HEPACAM: variants seen among roughly 807,000 people sequenced by gnomAD.
HEPACAM encodes hepatocyte cell adhesion molecule.
Under a neutral mutation model 38.3 loss-of-function variants are expected in HEPACAM, and 18 were observed. The observed-to-expected ratio is 0.47, with a 90% CI of 0.33 to 0.70. The LOEUF is 0.70. Among genes scored for constraint, HEPACAM ranks in the 30% least tolerant of loss-of-function variants. The pLI, the probability that HEPACAM is intolerant of heterozygous loss-of-function variation, is 0.03. For missense variants in HEPACAM, 466 were observed against 563.0 expected, an observed-to-expected ratio of 0.83 and a Z score of 1.74; for synonymous variants, 216 against 243.1, an observed-to-expected ratio of 0.89 and a Z score of 1.04.
chr11:124,925,631 A>C (rs1224338136), intron 1 of HEPACAM, among the ~76,000 whole-genome samples: 1 of 152,182 alleles, frequency 6.6e-6, no homozygotes, highest in Non-Finnish European at 1.5e-5. Flanking sequence ...AGGGGCCTGA[A>C]GACCACTTTC....
chr11:124,920,804 A>G lies in HEPACAM; in HGVS notation c.*334T>C. ...AGAGCACAGGATAGTCACGGGGGTTAGGTTACTGATGTTAGTTTCCATAAA... is the reference window on the plus strand; with the variant it reads ...AGAGCACAGGATAGTCACGGGGGTTGGGTTACTGATGTTAGTTTCCATAAA... On this transcript the variant is annotated 3_prime_UTR_variant, in exon 7 of 7. Coordinates refer to ENST00000298251, the MANE Select transcript of HEPACAM (RefSeq NM_152722.5). The G allele has an allele frequency of 9.1e-7, 1 of 1,104,194 alleles. No individual in the cohort carries two copies. Among genetic ancestry groups the G allele is most frequent in the Non-Finnish European group, 1.1e-6 (1 of 906,530 alleles). The allele number at this position is 1,104,194 out of a possible 1,614,324, so 68.4% of individuals were successfully genotyped here. A position where few individuals can be genotyped will look rare whatever the true frequency, so the allele number is the denominator to read the frequency against.
intron 4 of HEPACAM, 103 bp downstream of exon 4, chr11:124,923,237 C>T: frequency 2.4e-6 from 2 of 839,506 alleles, no homozygotes; most frequent in Non-Finnish European, 2.1e-6. Context: ...GAAAGAGATG[C>T]AAAACCCTGG....
chr11:124,932,390 G>A (rs542511662), intron 1 of HEPACAM, among the ~76,000 whole-genome samples: 6 of 152,274 alleles, frequency 3.9e-5, no homozygotes, highest in Non-Finnish European at 8.8e-5. Context: ...TTTACGGCAT[G>A]CTGTGCCTAT....
chr11:124,930,977 G>A (rs937879515), intron 1 of HEPACAM, among the ~76,000 whole-genome samples: 4 of 152,128 alleles, frequency 2.6e-5, no homozygotes, highest in African/African-American at 9.7e-5. Context: ...CATCAAAGAA[G>A]GAAATGATAC....
intron 1 of HEPACAM, among the ~76,000 whole-genome samples, chr11:124,930,758 G>C (rs887365930): frequency 1.3e-5 from 2 of 152,216 alleles, no homozygotes; most frequent in South Asian, 2.1e-4. Flanking sequence ...GCAGTGCAGG[G>C]AGAAAAGTGC....
Position 124,929,986 on chromosome 11 carries a change from A to G in HEPACAM, c.86-4917T>C, listed in dbSNP as rs562502395. ...GATTTGGTCTATACACACCTTATCC[A>G]TATTCCCTAACACCAAAGGCTGCTG... On this transcript the variant is annotated intron_variant, in intron 1 of 6. Coordinates refer to ENST00000298251, the MANE Select transcript of HEPACAM (RefSeq NM_152722.5). Among the ~76,000 whole-genome samples, 219 of 152,222 alleles carry G rather than the reference A, an allele frequency of 1.4e-3. 1 individual carries two copies. Among genetic ancestry groups the G allele is most frequent in the African/African-American group, 5.2e-3 (215 of 41,572 alleles).
At chr11:124,925,796 G>T (rs1002745515) in intron 1 of HEPACAM, among the ~76,000 whole-genome samples, 2 of 152,180 alleles carry the variant, frequency 1.3e-5, no homozygotes, top group Admixed American at 6.5e-5. Context: ...AAGGATTTGC[G>T]ATGGGTAGAA....
In HEPACAM at chr11:124,927,510, G is replaced by GTTTTTTTTTTTTTTTTTTTTTTTTT. The variant is rs763291809; in HGVS notation, c.86-2442_86-2441insAAAAAAAAAAAAAAAAAAAAAAAAA. On this transcript the variant is annotated intron_variant, in intron 1 of 6. Coordinates refer to ENST00000298251, the MANE Select transcript of HEPACAM (RefSeq NM_152722.5). ...GGCATGTGCCACTATGCCCAGCTAGGTTTTTTTTTTTTGTTTTTTTTTTTT... is the reference window on the plus strand; with the variant it reads ...GGCATGTGCCACTATGCCCAGCTAGGTTTTTTTTTTTTTTTTTTTTTTTTTTTTTTTTTTTTTGTTTTTTTTTTTT... 2.0e-5 allele frequency among the ~76,000 whole-genome samples: 2 copies of GTTTTTTTTTTTTTTTTTTTTTTTTT among 99,192 alleles called. 1 individual carries two copies. 65.1% of individuals were successfully genotyped at this position (99,192 alleles called of 152,430 possible).
chr11:124,924,821 G>A lies in HEPACAM; in HGVS notation c.334C>T (p.Leu112=). The A allele has an allele frequency of 6.2e-7, 1 of 1,614,188 alleles. No individual in the cohort carries two copies. Among genetic ancestry groups the A allele is most frequent in the Non-Finnish European group, 8.5e-7 (1 of 1,180,040 alleles). Residue 112 remains leucine (L), a synonymous_variant, in exon 2 of 7, where the codon CTG becomes TTG. Transcript: ENST00000298251. The surrounding 1 kb of genome is among the most constrained non-coding windows in gnomAD (Gnocchi z 4.4). ...TAGGTGCCCTCATCGGCCAGCTGCA[G>A]GTCGCTGAGAAGCAGGGAGCCATTT... ...FENGSLLLSD[L]QLADEGTYEV...
intron 5 of HEPACAM, 103 bp from the exon 6 acceptor site, chr11:124,922,561 C>A: frequency 6.3e-7 from 1 of 1,599,248 alleles, no homozygotes. Context: ...CAACCTCCAC[C>A]AACATATCTG....
In HEPACAM at chr11:124,923,813, T is replaced by C. The variant is rs1166743402; in HGVS notation, c.625A>G (p.Met209Val). 1 of 1,614,026 alleles carries C rather than the reference T, an allele frequency of 6.2e-7. No individual in the cohort carries two copies. Among genetic ancestry groups the C allele is most frequent in the Non-Finnish European group, 8.5e-7 (1 of 1,179,992 alleles). ...CAGCTGTACAGGTCGTCATCCTCCA[T>C]GAGCACGCGGGTGATGGTGAGCACC... ...QKVLTITRVL[M>V]EDDDLYSCMV... is the part of the protein sequence containing the mutation. Residue 209 changes from methionine (M) to valine (V), a missense_variant, in exon 3 of 7, where the codon ATG (methionine) becomes GTG (valine). Coordinates refer to ENST00000298251, the MANE Select transcript of HEPACAM (RefSeq NM_152722.5).
Position 124,921,845 on chromosome 11 carries a change from T to G in HEPACAM, c.949-405A>C, listed in dbSNP as rs1267964535. Among the ~76,000 whole-genome samples the G allele has an allele frequency of 6.6e-6, 1 of 152,154 alleles. No individual in the cohort carries two copies. Among genetic ancestry groups the G allele is most frequent in the Non-Finnish European group, 1.5e-5 (1 of 68,026 alleles). ...CAAGTCATTTAATCTCACAGCCTTGTTTTTTCTAATCTCTAAAATGTGCAT... is the reference window on the plus strand; with the variant it reads ...CAAGTCATTTAATCTCACAGCCTTGGTTTTTCTAATCTCTAAAATGTGCAT... On this transcript the variant is annotated intron_variant, in intron 6 of 6. Coordinates refer to ENST00000298251, the MANE Select transcript of HEPACAM (RefSeq NM_152722.5). The surrounding 1 kb of genome is among the most constrained non-coding windows in gnomAD (Gnocchi z 4.6).
At position 124,920,783 on chromosome 11, in the gene HEPACAM, C is replaced by T; in HGVS notation, c.*355G>A. 2 of 1,085,992 alleles carry T rather than the reference C, an allele frequency of 1.8e-6. No homozygotes were observed. Among genetic ancestry groups the T allele is most frequent in the Non-Finnish European group, 2.2e-6 (2 of 896,456 alleles). The allele number at this position is 1,085,992 out of a possible 1,614,324, so 67.3% of individuals were successfully genotyped here. On this transcript the variant is annotated 3_prime_UTR_variant, in exon 7 of 7. Coordinates refer to ENST00000298251, the MANE Select transcript of HEPACAM (RefSeq NM_152722.5). Reference sequence around the variant, plus strand: ...AAACAACACAGCTCCCTAGGAAGAGCACAGGATAGTCACGGGGGTTAGGTT... The same window carrying T: ...AAACAACACAGCTCCCTAGGAAGAGTACAGGATAGTCACGGGGGTTAGGTT...
chr11:124,921,317 C>T lies in HEPACAM; in HGVS notation c.1072G>A (p.Ala358Thr), dbSNP rs536963649. Reference protein sequence around the residue: ...GRSPGLPIRSARRYPRSPARS... With the variant: ...GRSPGLPIRSTRRYPRSPARS... ...GCTGGGGAGCGCGGGTAGCGGCGGGCAGAGCGGATGGGCAGCCCCGGCGAG... is the reference window on the plus strand; with the variant it reads ...GCTGGGGAGCGCGGGTAGCGGCGGGTAGAGCGGATGGGCAGCCCCGGCGAG... The change falls in exon 7 of 7, where the codon GCC becomes ACC. Residue 358 changes from alanine (A) to threonine (T), a missense_variant. Coordinates refer to ENST00000298251, the MANE Select transcript of HEPACAM (RefSeq NM_152722.5). The surrounding 1 kb of genome is among the most constrained non-coding windows in gnomAD (Gnocchi z 4.6). 3.0e-4 allele frequency: 385 copies of T among 1,292,748 alleles called. 2 individuals carry two copies. The highest frequency in any genetic ancestry group is 2.0e-3 in the Middle Eastern group (7 of 3,438). 80.1% of individuals were successfully genotyped at this position (1,292,748 alleles called of 1,614,324 possible). A position where few individuals can be genotyped will look rare whatever the true frequency, so the allele number is the denominator to read the frequency against.
At position 124,926,480 on chromosome 11, in the gene HEPACAM, C is replaced by A. The variant is rs1416898053; in HGVS notation, c.86-1411G>T. On this transcript the variant is annotated intron_variant, in intron 1 of 6. Transcript: ENST00000298251. Reference sequence around the variant, plus strand: ...ACCACTTGTCCAATGGATGCCCTATCCAGAGGGCATTTCAGAGACCTCTTA... The same window carrying A: ...ACCACTTGTCCAATGGATGCCCTATACAGAGGGCATTTCAGAGACCTCTTA... 2.0e-5 allele frequency among the ~76,000 whole-genome samples: 3 copies of A among 152,262 alleles called. No homozygotes were observed. In the East Asian group the frequency reaches 5.8e-4, roughly 29 times the overall value.
In HEPACAM at chr11:124,920,147, C is replaced by G. The variant is rs1156529173; in HGVS notation, c.*991G>C. On this transcript the variant is annotated 3_prime_UTR_variant, in exon 7 of 7. Transcript: ENST00000298251. ...GGGAAGCAATAAGCCTCCTCCTCCC[C>G]CCACCATTTCTCTGGAGATTAGGAC... The G allele has an allele frequency of 2.8e-6, 3 of 1,067,304 alleles. No homozygotes were observed. The highest frequency in any genetic ancestry group is 4.1e-6 in the Non-Finnish European group (3 of 731,684). The allele number at this position is 1,067,304 out of a possible 1,614,324, so 66.1% of individuals were successfully genotyped here. A position where few individuals can be genotyped will look rare whatever the true frequency, so the allele number is the denominator to read the frequency against.
chr11:124,923,713 C>A lies in HEPACAM; in HGVS notation c.709+16G>T, dbSNP rs750299198. ...GGGGCTTTGAGTACTAAAGGAAAGC[C>A]TGCGGGGAAACTCACTGTATACGGT... On this transcript the variant is annotated intron_variant, in intron 3 of 6. Transcript: ENST00000298251. 3 of 1,614,010 alleles carry A rather than the reference C, an allele frequency of 1.9e-6. No individual in the cohort carries two copies. In the South Asian group the frequency reaches 3.3e-5, roughly 18 times the overall value.
intron 1 of HEPACAM, among the ~76,000 whole-genome samples, chr11:124,934,304 TCTC>T (rs1308035486): frequency 6.6e-6 from 1 of 152,068 alleles, no homozygotes; most frequent in Admixed American, 6.6e-5. Flanking sequence ...CCATGTTATT[TCTC>T]CTATTTCTCT....
rs144195196 is a variant in HEPACAM, at chr11:124,935,819, C to T, written c.85+103G>A. 3.4e-3 allele frequency: 3,068 copies of T among 909,954 alleles called. 19 individuals carry two copies. The highest frequency in any genetic ancestry group is 3.3e-3 in the Non-Finnish European group (1,856 of 554,702). The allele number at this position is 909,954 out of a possible 1,614,324, so 56.4% of individuals were successfully genotyped here. Reference sequence around the variant, plus strand: ...TTCCCACGGCAGCTGAACTCTCCCCCACTCCTGCCCCAAAGGCATTCAGGC... The same window carrying T: ...TTCCCACGGCAGCTGAACTCTCCCCTACTCCTGCCCCAAAGGCATTCAGGC... On this transcript the variant is annotated intron_variant, in intron 1 of 6. Coordinates refer to ENST00000298251, the MANE Select transcript of HEPACAM (RefSeq NM_152722.5).
Sources: gnomAD v4.1 joint callset for allele counts (sites outside exome capture counted in the v4.1 genomes callset) on GRCh38, gnomAD v4.1.1 for gene constraint, Gnocchi (gnomAD v3.1) non-coding constraint, MANE v1.5 for transcripts, NCBI Gene and HGNC (gene_info 2026-07-23, HGNC 2026-07-21) for gene names.